The following CACNB2 variants were observed in gnomAD, a reference collection of about 807,000 sequenced individuals.
CACNB2 encodes the protein calcium voltage-gated channel auxiliary subunit beta 2, also known as voltage-dependent L-type calcium channel subunit beta-2.
A neutral mutation model predicts 73.3 loss-of-function variants in CACNB2; 42 were observed. That is an observed-to-expected ratio of 0.57 (90% CI 0.45 to 0.74). The LOEUF is 0.74. Ranked by LOEUF, CACNB2 falls within the 30% of genes least tolerant of loss-of-function variation. The pLI, the probability that CACNB2 is intolerant of heterozygous loss-of-function variation, is 0.00. For synonymous variants in CACNB2, 348 were observed against 310.3 expected (o/e 1.12, Z -1.28); for missense variants, 940 against 853.0 (o/e 1.10, Z -1.27).
At chr10:18,345,726 G>T (rs1349521598) in intron 2 of CACNB2, among the ~76,000 whole-genome samples, 5 of 152,076 alleles carry the variant, frequency 3.3e-5, no homozygotes, top group Non-Finnish European at 7.4e-5. Flanking sequence ...ATACCCTACT[G>T]GTATCTCTAG....
intron 2 of CACNB2, among the ~76,000 whole-genome samples, chr10:18,155,368 A>G (rs1199258309): frequency 6.6e-6 from 1 of 152,126 alleles, no homozygotes; most frequent in African/African-American, 2.4e-5. Context: ...CATTTTAGTA[A>G]TTTGTGGATT....
At chr10:18,171,021 C>T (rs1052765655) in intron 2 of CACNB2, among the ~76,000 whole-genome samples, 4 of 152,094 alleles carry the variant, frequency 2.6e-5, no homozygotes, top group South Asian at 2.1e-4. Context: ...TATTTGGTAC[C>T]GCTGGCTGCA....
chr10:18,389,125 T>G (rs1316796316), intron 2 of CACNB2, among the ~76,000 whole-genome samples: 1 of 152,138 alleles, frequency 6.6e-6, no homozygotes, highest in African/African-American at 2.4e-5. Flanking sequence ...GAATCCAACC[T>G]TATCTCTTCT....
intron 7 of CACNB2, 59 bp from the exon 8 acceptor site, chr10:18,518,277 C>A: frequency 8.6e-7 from 1 of 1,167,236 alleles, no homozygotes; most frequent in Non-Finnish European, 1.3e-6. Context: ...ACCTTATACA[C>A]AAAATATTTA....
At chr10:18,392,352 GT>G (rs1469238068) in intron 2 of CACNB2, among the ~76,000 whole-genome samples, 2 of 152,168 alleles carry the variant, frequency 1.3e-5, no homozygotes, top group African/African-American at 4.8e-5. Context: ...GATCAGTGAT[GT>G]TAAAGGCTGC....
intron 2 of CACNB2, among the ~76,000 whole-genome samples, chr10:18,269,699 C>G (rs1225709356): frequency 6.6e-6 from 1 of 152,244 alleles, no homozygotes; most frequent in Admixed American, 6.5e-5. Context: ...TCTCCAGGCA[C>G]TGTAAACATG....
intron 2 of CACNB2, among the ~76,000 whole-genome samples, chr10:18,339,333 C>G (rs760872508): frequency 7.2e-5 from 11 of 152,014 alleles, no homozygotes; most frequent in South Asian, 4.2e-4. Context: ...CTAGCCTGGC[C>G]AATATGCTGA....
intron 2 of CACNB2, 43 bp downstream of exon 2, chr10:18,151,018 G>A: frequency 8.2e-7 from 1 of 1,212,560 alleles, no homozygotes; most frequent in Non-Finnish European, 1.2e-6. Context: ...ACCTTAAAAT[G>A]ACTTTAGATT....
chr10:18,460,394 A>C (rs1292456547), intron 3 of CACNB2, among the ~76,000 whole-genome samples: 1 of 152,260 alleles, frequency 6.6e-6, no homozygotes, highest in African/African-American at 2.4e-5. Context: ...CATCACTTAC[A>C]ACATTTATAC....
chr10:18,450,015 C>CA (rs2046939999), intron 3 of CACNB2, among the ~76,000 whole-genome samples: 1 of 152,232 alleles, frequency 6.6e-6, no homozygotes, highest in South Asian at 2.1e-4. Context: ...GAAAGCACTT[C>CA]ATCAGGCTCA....
In CACNB2 at chr10:18,285,615, A is replaced by G. The variant is rs532417502; in HGVS notation, c.214-116309A>G. Among the ~76,000 whole-genome samples the G allele has an allele frequency of 8.5e-5, 13 of 152,380 alleles. No homozygotes were observed. The East Asian group carries it at 2.5e-3, about 29-fold the overall frequency. ...CTCAATGAATACACAGAACCATAAG[A>G]TAATAAGTTGTTCTTTTAAGCTATC... On this transcript the variant is annotated intron_variant, in intron 2 of 13. Transcript: ENST00000324631.
intron 3 of CACNB2, among the ~76,000 whole-genome samples, chr10:18,441,066 G>A (rs930233608): frequency 2.6e-5 from 4 of 152,208 alleles, no homozygotes; most frequent in Admixed American, 2.6e-4. Flanking sequence ...GGGTCAGGTG[G>A]CCAGTAGTTG....
intron 2 of CACNB2, among the ~76,000 whole-genome samples, chr10:18,218,024 T>C (rs747006720): frequency 2.0e-5 from 3 of 152,162 alleles, no homozygotes; most frequent in Non-Finnish European, 2.9e-5. Flanking sequence ...TGCTCTTCAT[T>C]CCCTGTATTA....
At chr10:18,291,262 C>T (rs565596862) in intron 2 of CACNB2, among the ~76,000 whole-genome samples, 23 of 152,322 alleles carry the variant, frequency 1.5e-4, no homozygotes, top group Non-Finnish European at 2.9e-4. Context: ...TCTACAAGAG[C>T]TCCCACATGC....
intron 2 of CACNB2, among the ~76,000 whole-genome samples, chr10:18,329,826 CTTG>C (rs919679498): frequency 1.2e-4 from 18 of 152,004 alleles, no homozygotes; most frequent in South Asian, 6.2e-4. Flanking sequence ...TTTATGTTTT[CTTG>C]TTGTTGTTTG....
chr10:18,442,124 A>G (rs1467529237), intron 3 of CACNB2, among the ~76,000 whole-genome samples: 2 of 152,058 alleles, frequency 1.3e-5, no homozygotes, highest in Non-Finnish European at 2.9e-5. Context: ...TGTTCCTTGT[A>G]GTGGACACAC....
chr10:18,529,454 C>T lies in CACNB2; in HGVS notation c.1054+1757C>T, dbSNP rs566569953. On this transcript the variant is annotated intron_variant, in intron 10 of 13. Coordinates refer to ENST00000324631, the MANE Select transcript of CACNB2 (RefSeq NM_201596.3). ...GATAGAGGGTGATGAGCAAAGTGGT[C>T]GAGCCATGAACTGGCTGCCAAAGAG... 5.9e-5 allele frequency among the ~76,000 whole-genome samples: 9 copies of T among 152,234 alleles called. No homozygotes were observed. In the East Asian group the frequency reaches 1.2e-3, roughly 20 times the overall value.
chr10:18,512,355 C>T (rs917044604), intron 6 of CACNB2, among the ~76,000 whole-genome samples: 3 of 152,186 alleles, frequency 2.0e-5, no homozygotes, highest in Non-Finnish European at 2.9e-5. Flanking sequence ...CATTAGTCTT[C>T]ATCAGCCTAA....
intron 7 of CACNB2, chr10:18,514,873 A>G: frequency 1.3e-6 from 1 of 785,070 alleles, no homozygotes; most frequent in South Asian, 1.5e-5. Flanking sequence ...AAACATATTA[A>G]AGCAGTTATT....
Sources: allele counts gnomAD v4.1 joint callset (sites outside exome capture counted in the v4.1 genomes callset), GRCh38; gene constraint gnomAD v4.1.1; transcripts MANE v1.5; gene names NCBI Gene and HGNC (gene_info 2026-07-23, HGNC 2026-07-21).